The following GRIK4 variants were observed in gnomAD, a reference collection of about 807,000 sequenced individuals.
GRIK4 encodes the protein glutamate receptor ionotropic, kainate 4.
Under a neutral mutation model 104.9 loss-of-function variants are expected in GRIK4, and 40 were observed. The ratio of observed to expected loss-of-function variants is 0.38; its 90% CI spans 0.30 to 0.50. The LOEUF is 0.50. GRIK4 is among the 20% of genes least tolerant of loss of function. The pLI, the probability that GRIK4 is intolerant of heterozygous loss-of-function variation, is 0.93. For synonymous variants in GRIK4, 485 were observed against 524.9 expected, an observed-to-expected ratio of 0.92 and a Z score of 1.04; for missense variants, 1,047 against 1,308.1, an observed-to-expected ratio of 0.80 and a Z score of 3.08.
At chr11:120,948,948 A>C (rs4935757) in intron 14 of GRIK4, among the ~76,000 whole-genome samples, 1 of 152,042 alleles carries the variant, frequency 6.6e-6, no homozygotes. Flanking sequence ...CCAGGATTGC[A>C]TGTCTTGTAA....
At position 120,867,726 on chromosome 11, in the gene GRIK4, C is replaced by T. The variant is rs190835951; in HGVS notation, c.906+5606C>T. Among the ~76,000 whole-genome samples, 4 of 151,984 alleles carry T rather than the reference C, an allele frequency of 2.6e-5. No homozygotes were observed. In the East Asian group the frequency reaches 7.8e-4, roughly 30 times the overall value. On this transcript the variant is annotated intron_variant, in intron 9 of 20. Transcript: ENST00000527524. ...GCAAGATCAGTCCATGCCCCCAGGCCATACCTGCCAGGTGGCCGACAGGAG... is the reference window on the plus strand; with the variant it reads ...GCAAGATCAGTCCATGCCCCCAGGCTATACCTGCCAGGTGGCCGACAGGAG...
chr11:120,951,049 G>A (rs1943988955), intron 14 of GRIK4, among the ~76,000 whole-genome samples: 1 of 152,204 alleles, frequency 6.6e-6, no homozygotes, highest in South Asian at 2.1e-4. Context: ...TACTGTGAAA[G>A]AAAAACAGTT....
At chr11:120,692,933 T>A (rs1261768268) in intron 3 of GRIK4, among the ~76,000 whole-genome samples, 1 of 151,852 alleles carries the variant, frequency 6.6e-6, no homozygotes, top group Non-Finnish European at 1.5e-5. Flanking sequence ...GTTTTCACCA[T>A]GTTGGCCAGG....
intron 11 of GRIK4, among the ~76,000 whole-genome samples, chr11:120,898,051 A>G (rs1942633548): frequency 1.3e-5 from 2 of 152,200 alleles, no homozygotes; most frequent in African/African-American, 2.4e-5. Context: ...AGACCTGTTT[A>G]GGTTCATTCA....
chr11:120,684,039 G>A (rs1399270123), intron 3 of GRIK4, among the ~76,000 whole-genome samples: 1 of 152,190 alleles, frequency 6.6e-6, no homozygotes, highest in African/African-American at 2.4e-5. Context: ...AGAAAGCAAA[G>A]TGAGGCTGGG....
At chr11:120,925,002 T>C (rs1227201996) in intron 13 of GRIK4, among the ~76,000 whole-genome samples, 2 of 152,124 alleles carry the variant, frequency 1.3e-5, no homozygotes, top group East Asian at 3.9e-4. Flanking sequence ...GTGGATCCAA[T>C]TGGTCACATC....
chr11:120,645,900 T>A (rs1010199183), intron 1 of GRIK4, among the ~76,000 whole-genome samples: 23 of 152,212 alleles, frequency 1.5e-4, no homozygotes, highest in Admixed American at 1.4e-3. Context: ...CCGGGTTTTG[T>A]TGCTGAGCAC....
At chr11:120,925,684 C>T (rs2134585802) in intron 13 of GRIK4, among the ~76,000 whole-genome samples, 1 of 152,174 alleles carries the variant, frequency 6.6e-6, no homozygotes, top group South Asian at 2.1e-4. Context: ...TAGAAATGAG[C>T]ATATCGGCCA....
chr11:120,986,251 G>T lies in GRIK4; in HGVS notation c.2862G>T (p.Glu954Asp). 1 of 1,522,314 alleles carries T rather than the reference G, an allele frequency of 6.6e-7. No homozygotes were observed. Among genetic ancestry groups the T allele is most frequent in the South Asian group, 1.1e-5 (1 of 87,656 alleles). The allele number at this position is 1,522,314 out of a possible 1,614,324, so 94.3% of individuals were successfully genotyped here. The change falls in exon 21 of 21, where the codon GAG becomes GAT. Residue 954 changes from glutamate to aspartate, a missense_variant. By Grantham distance (45) the Glu-to-Asp change is conservative (BLOSUM62 2). Transcript: ENST00000527524. ...LEWEKTTNSS[E>D]PE is the part of the protein sequence containing the mutation. Reference sequence around the variant, plus strand: ...GGGAGAAAACCACCAACAGCAGCGAGCCCGAGTAGTCCCGGAGGCCACAGG... The same window carrying T: ...GGGAGAAAACCACCAACAGCAGCGATCCCGAGTAGTCCCGGAGGCCACAGG...
intron 1 of GRIK4, among the ~76,000 whole-genome samples, chr11:120,548,627 C>T (rs1267961884): frequency 6.6e-6 from 1 of 152,114 alleles, no homozygotes; most frequent in Non-Finnish European, 1.5e-5. Flanking sequence ...ATCCTTTTGA[C>T]ATTTTGGGAA....
At chr11:120,593,137 C>T (rs1014326997) in intron 1 of GRIK4, among the ~76,000 whole-genome samples, 6 of 148,356 alleles carry the variant, frequency 4.0e-5, no homozygotes, top group Non-Finnish European at 7.4e-5. Context: ...GAGCCAAGAT[C>T]GCGCATTGCA....
chr11:120,739,953 C>T (rs1665685097), intron 3 of GRIK4, among the ~76,000 whole-genome samples: 1 of 152,202 alleles, frequency 6.6e-6, no homozygotes, highest in African/African-American at 2.4e-5. Flanking sequence ...GACTGCACTC[C>T]AGCCAGCTGA....
chr11:120,578,298 G>A (rs538497927), intron 1 of GRIK4, among the ~76,000 whole-genome samples: 1 of 152,290 alleles, frequency 6.6e-6, no homozygotes. Flanking sequence ...AGAGGAAAGG[G>A]GAGGTGAGAA....
chr11:120,655,984 C>A (rs535792663), intron 2 of GRIK4, among the ~76,000 whole-genome samples: 60 of 152,248 alleles, frequency 3.9e-4, no homozygotes, highest in Middle Eastern at 6.8e-3. Context: ...AATGCCACAG[C>A]ATGCAGGTGG....
Position 120,977,006 on chromosome 11 carries a change from C to T in GRIK4, c.2396-5100C>T, listed in dbSNP as rs74583805. Among the ~76,000 whole-genome samples, 857 of 152,338 alleles carry T rather than the reference C, an allele frequency of 5.6e-3. 9 individuals are homozygous for T. Among genetic ancestry groups the T allele is most frequent in the African/African-American group, 0.02 (816 of 41,582 alleles). On this transcript the variant is annotated intron_variant, in intron 19 of 20. Transcript: ENST00000527524. The stretch of plus-strand genomic sequence containing the variant: ...GTGGGTGGAGATTCACATCTCTTCA[C>T]AGGTGCTCTCTTCCAGGGTGCCATT...
chr11:120,654,629 C>T (rs1051978891), intron 2 of GRIK4, among the ~76,000 whole-genome samples: 1 of 152,190 alleles, frequency 6.6e-6, no homozygotes, highest in African/African-American at 2.4e-5. Flanking sequence ...TCCCAAAGTG[C>T]TGGGATTACA....
chr11:120,984,691 C>T (rs918626699), intron 20 of GRIK4, among the ~76,000 whole-genome samples: 2 of 151,984 alleles, frequency 1.3e-5, no homozygotes, highest in African/African-American at 4.8e-5. Flanking sequence ...ATCGCTTGAA[C>T]CCAGGAGGTG....
intron 18 of GRIK4, among the ~76,000 whole-genome samples, chr11:120,963,141 T>C (rs1260447455): frequency 1.3e-5 from 2 of 152,208 alleles, no homozygotes; most frequent in Non-Finnish European, 2.9e-5. Context: ...AAAGTTTACT[T>C]CTAAAGGAGA....
intron 5 of GRIK4, among the ~76,000 whole-genome samples, chr11:120,816,151 GC>G (rs774801286): frequency 2.6e-5 from 4 of 152,110 alleles, no homozygotes; most frequent in South Asian, 4.2e-4. Context: ...CAGAGTGACT[GC>G]CCCCCTCCCT....
Sources: gnomAD v4.1 joint callset for allele counts (sites outside exome capture counted in the v4.1 genomes callset) on GRCh38, gnomAD v4.1.1 for gene constraint, MANE v1.5 for transcripts, NCBI Gene and HGNC (gene_info 2026-07-23, HGNC 2026-07-21) for gene names.